The following MFSD12 variants were observed in gnomAD, a reference collection of about 807,000 sequenced individuals.
MFSD12 encodes the protein major facilitator superfamily domain-containing protein 12.
Under a neutral mutation model 51.2 loss-of-function variants are expected in MFSD12, and 67 were observed. The ratio of observed to expected loss-of-function variants is 1.31; its 90% CI spans 1.08 to 1.60. The LOEUF (loss-of-function observed/expected upper bound fraction) is 1.60. Ranked by LOEUF, MFSD12 falls within the 40% of genes most tolerant of loss-of-function variation. The probability of loss-of-function intolerance (pLI) is 0.00; values close to 1 mark genes in which losing one functional copy is unlikely to be tolerated. For missense variants in MFSD12, 921 were observed against 673.0 expected, an observed-to-expected ratio of 1.37 and a Z score of -4.08; for synonymous variants, 441 against 316.7, an observed-to-expected ratio of 1.39 and a Z score of -4.17.
downstream of MFSD12, among the ~76,000 whole-genome samples, chr19:3,540,748 T>G (rs928762145): frequency 6.0e-5 from 9 of 151,114 alleles, no homozygotes; most frequent in East Asian, 2.0e-4. Context: ...GAATGGTGGC[T>G]CATGCCTGTA....
downstream of MFSD12, among the ~76,000 whole-genome samples, chr19:3,541,012 T>C (rs1473329629): frequency 3.5e-5 from 5 of 143,024 alleles, no homozygotes; most frequent in Non-Finnish European, 7.6e-5. Context: ...GTACTAAAAG[T>C]ACAAAAATTA....
chr19:3,541,042 G>A (rs1220143525), downstream of MFSD12, among the ~76,000 whole-genome samples: 16 of 150,110 alleles, frequency 1.1e-4, no homozygotes, highest in Admixed American at 3.3e-4. Flanking sequence ...GGTGGCGGGC[G>A]CCTGCAATCC....
At chr19:3,540,200 C>T (rs934137728), downstream of MFSD12, among the ~76,000 whole-genome samples, 1 of 141,514 alleles carries the variant, frequency 7.1e-6, no homozygotes, top group Non-Finnish European at 1.5e-5. Flanking sequence ...TTCTAGGATT[C>T]TTCCATCTCA....
chr19:3,555,688 T>G (rs1044719862), intron 1 of MFSD12, among the ~76,000 whole-genome samples: 2 of 152,100 alleles, frequency 1.3e-5, no homozygotes, highest in African/African-American at 4.8e-5. Flanking sequence ...AGATCCTGGG[T>G]CCAACCACCC....
chr19:3,543,171 C>T (rs1437323572), downstream of MFSD12: 66 of 1,520,728 alleles, frequency 4.3e-5, no homozygotes, highest in South Asian at 6.1e-5. Flanking sequence ...TGGCAGACAT[C>T]GCAAAGGGGT....
At chr19:3,541,047 C>CA (rs2030359137), downstream of MFSD12, among the ~76,000 whole-genome samples, 1 of 128,216 alleles carries the variant, frequency 7.8e-6, no homozygotes, top group Non-Finnish European at 1.7e-5. Flanking sequence ...CGGGCGCCTG[C>CA]AATCCCAGCT....
exon 5 of MFSD12, chr19:3,538,556 G>A: frequency 2.5e-6 from 1 of 395,420 alleles, no homozygotes; most frequent in Admixed American, 2.8e-5. Context: ...TGTGTCTGGT[G>A]TCTCTCACTG....
downstream of MFSD12, chr19:3,539,604 C>T: frequency 7.2e-6 from 2 of 276,522 alleles, no homozygotes; most frequent in East Asian, 6.4e-5. Context: ...TGTCCCACAC[C>T]TCTTGCAGCC....
chr19:3,555,833 G>A (rs947043528), intron 1 of MFSD12, among the ~76,000 whole-genome samples: 4 of 152,204 alleles, frequency 2.6e-5, no homozygotes, highest in Non-Finnish European at 4.4e-5. Context: ...GGACGCAGCC[G>A]GCACTTCTGT....
chr19:3,548,229 C>T lies in MFSD12; in HGVS notation c.548G>A (p.Gly183Asp). The change falls in exon 3 of 10, where the codon GGC (glycine) becomes GAC (aspartate). Residue 183 changes from glycine to aspartate, a missense_variant. By Grantham distance (94) the Gly-to-Asp change is moderately conservative. Transcript: ENST00000355415. ...CAGGTGCAGCAGGAGCCAGGCGGCG[C>T]CGTAGACGGTGATGTTGGCCACCAC... ...FTVVANITVYGAAWLLLHLQG... is the reference protein window; with the variant it reads ...FTVVANITVYDAAWLLLHLQG... 6.4e-7 allele frequency: 1 copy of T among 1,553,052 alleles called. No homozygotes were observed. The highest frequency in any genetic ancestry group is 2.4e-5 in the East Asian group (1 of 41,154).
intron 1 of MFSD12, among the ~76,000 whole-genome samples, chr19:3,555,405 G>A (rs1046977239): frequency 6.6e-6 from 1 of 152,056 alleles, no homozygotes; most frequent in Non-Finnish European, 1.5e-5. Context: ...GGCCCGCCCA[G>A]AAATTATCTT....
chr19:3,546,247 A>G lies in MFSD12; in HGVS notation c.1194+8T>C, dbSNP rs575535365. 3 of 1,607,378 alleles carry G rather than the reference A, an allele frequency of 1.9e-6. No homozygotes were observed. The African/African-American group carries it at 4.0e-5, about 21-fold the overall frequency. On this transcript the variant is annotated splice_region_variant and intron_variant, in intron 7 of 9. Transcript: ENST00000355415. The stretch of plus-strand genomic sequence containing the variant: ...CCTCCCCCACCCCAGCCTGGCTACC[A>G]GCCCTACCGTGTGGGGACCGATGAG...
In MFSD12 at chr19:3,544,893, T is replaced by A; in HGVS notation, c.1336A>T (p.Met446Leu). ...RACVSFYHWAMVAVTGGVGVA... is the reference protein window; with the variant it reads ...RACVSFYHWALVAVTGGVGVA... ...CCCACGCCGCCCGTCACAGCCACCATCGCCCAGTGGTAAAAGCTCACGCAG... is the reference window on the plus strand; with the variant it reads ...CCCACGCCGCCCGTCACAGCCACCAACGCCCAGTGGTAAAAGCTCACGCAG... The change falls in exon 9 of 10, where the codon ATG becomes TTG. Residue 446 changes from methionine to leucine, a missense_variant. Met to Leu is a conservative substitution (Grantham distance 15). Transcript: ENST00000355415. 1.9e-6 allele frequency: 3 copies of A among 1,611,904 alleles called. No homozygotes were observed. Among genetic ancestry groups the A allele is most frequent in the Non-Finnish European group, 2.5e-6 (3 of 1,179,550 alleles).
At chr19:3,554,471 G>T (rs8110836) in intron 1 of MFSD12, among the ~76,000 whole-genome samples, 1 of 94,440 alleles carries the variant, frequency 1.1e-5, no homozygotes, top group Non-Finnish European at 2.5e-5. Context: ...AAAAAAGAAA[G>T]AAAGTTCCTG....
At chr19:3,548,888 CCT>C (rs1216468203) in intron 2 of MFSD12, among the ~76,000 whole-genome samples, 5 of 152,324 alleles carry the variant, frequency 3.3e-5, no homozygotes, top group South Asian at 2.1e-4. Flanking sequence ...AGCGCCTGCA[CCT>C]CTGTCACATG....
At chr19:3,554,737 G>A (rs1006543018) in intron 1 of MFSD12, among the ~76,000 whole-genome samples, 9 of 152,234 alleles carry the variant, frequency 5.9e-5, no homozygotes, top group African/African-American at 2.2e-4. Context: ...GATTCTGAGG[G>A]TCGTCTCGGG....
chr19:3,556,612 G>A (rs534589542), intron 1 of MFSD12, among the ~76,000 whole-genome samples: 1 of 151,802 alleles, frequency 6.6e-6, no homozygotes, highest in African/African-American at 2.4e-5. Context: ...TCAGGCCATG[G>A]GGCAGAAAGA....
At chr19:3,556,792 A>G (rs1196683696) in intron 1 of MFSD12, among the ~76,000 whole-genome samples, 2 of 141,106 alleles carry the variant, frequency 1.4e-5, no homozygotes. Flanking sequence ...CCAGGCAGGC[A>G]GAGAGAGGGG....
chr19:3,544,826 G>C lies in MFSD12; in HGVS notation c.1403C>G (p.Pro468Arg), dbSNP rs372771905. ...GGACTCACAGCGTCGCAGGCGGGTC[G>C]GCCACAGCAGGAGGCTACAGAGACA... is the stretch of plus-strand genomic sequence containing the variant. Reference protein sequence around the residue: ...ALCLCSLLLWPTRLRRWDRDA... With the variant: ...ALCLCSLLLWRTRLRRWDRDA... The change falls in exon 9 of 10, where the codon CCG becomes CGG. Residue 468 changes from proline to arginine, a missense_variant. Coordinates refer to ENST00000355415, the MANE Select transcript of MFSD12 (RefSeq NM_174983.5). The C allele has an allele frequency of 6.2e-7, 1 of 1,612,256 alleles. No individual in the cohort carries two copies. The highest frequency in any genetic ancestry group is 8.5e-7 in the Non-Finnish European group (1 of 1,179,560).
Sources: gnomAD v4.1 joint callset for allele counts (sites outside exome capture counted in the v4.1 genomes callset) on GRCh38, gnomAD v4.1.1 for gene constraint, MANE v1.5 for transcripts, NCBI Gene and HGNC (gene_info 2026-07-23, HGNC 2026-07-21) for gene names.